SYT1: variants seen among roughly 807,000 people sequenced by gnomAD.
SYT1 encodes synaptotagmin 1.
SYT1 carries 8 observed loss-of-function variants against 44.8 expected under a neutral mutation model. That is an observed-to-expected ratio of 0.18 (90% CI 0.10 to 0.32). The LOEUF (loss-of-function observed/expected upper bound fraction) is 0.32. SYT1 is among the 10% of genes least tolerant of loss of function. The probability of loss-of-function intolerance (pLI) is 1.00; values close to 1 mark genes in which losing one functional copy is unlikely to be tolerated. For missense variants in SYT1, 286 were observed against 509.3 expected (o/e 0.56, Z 4.22); for synonymous variants, 154 against 188.8 (o/e 0.82, Z 1.51).
At chr12:79,105,997 T>C (rs1004022907) in intron 3 of SYT1, among the ~76,000 whole-genome samples, 1 of 151,934 alleles carries the variant, frequency 6.6e-6, no homozygotes, top group Admixed American at 6.6e-5. Context: ...ACTAAATGAA[T>C]GAGTACAATC....
chr12:79,337,885 C>T (rs1882162737), intron 8 of SYT1, among the ~76,000 whole-genome samples: 3 of 152,170 alleles, frequency 2.0e-5, no homozygotes, highest in Admixed American at 1.3e-4. Flanking sequence ...TACTGGTTCC[C>T]ATAATCCAAA....
intron 3 of SYT1, among the ~76,000 whole-genome samples, chr12:79,134,192 A>C (rs1302857417): frequency 1.1e-4 from 17 of 152,350 alleles, no homozygotes; most frequent in Non-Finnish European, 1.5e-5. Context: ...CTGGATAATT[A>C]CATATTCATT....
At chr12:79,090,555 T>A (rs551683170) in intron 3 of SYT1, among the ~76,000 whole-genome samples, 15 of 151,974 alleles carry the variant, frequency 9.9e-5, no homozygotes, top group Non-Finnish European at 1.5e-4. Flanking sequence ...ATTTTCTAGA[T>A]AATAAGTTGG....
rs866486617 is a variant in SYT1, at chr12:79,008,979, T to G, written c.-84+31048T>G. Among the ~76,000 whole-genome samples, 19 of 152,274 alleles carry G rather than the reference T, an allele frequency of 1.2e-4. 1 individual carries two copies. Among genetic ancestry groups the G allele is most frequent in the African/African-American group, 4.3e-4 (18 of 41,564 alleles). On this transcript the variant is annotated intron_variant, in intron 2 of 10. Coordinates refer to ENST00000261205, the MANE Select transcript of SYT1 (RefSeq NM_005639.3). ...ACATTTTGGTAAAATTTATAGAAAC[T>G]TTAGCTTTGCTCTAACCATGTTTAT...
intron 8 of SYT1, among the ~76,000 whole-genome samples, chr12:79,342,477 C>T (rs1882422665): frequency 6.6e-6 from 1 of 152,182 alleles, no homozygotes; most frequent in Non-Finnish European, 1.5e-5. Flanking sequence ...GCTATTCGCC[C>T]TCCTTGGCCT....
At chr12:79,376,127 A>T in intron 9 of SYT1, among the ~76,000 whole-genome samples, 1 of 152,162 alleles carries the variant, frequency 6.6e-6, no homozygotes, top group East Asian at 1.9e-4. Flanking sequence ...AAACTTTCTT[A>T]ATCTAAATGT....
intron 8 of SYT1, among the ~76,000 whole-genome samples, chr12:79,317,117 GA>G (rs1401110808): frequency 6.6e-6 from 1 of 152,110 alleles, no homozygotes; most frequent in Non-Finnish European, 1.5e-5. Flanking sequence ...TTTATGGGGG[GA>G]AAACAATCCA....
intron 9 of SYT1, among the ~76,000 whole-genome samples, chr12:79,356,159 A>G (rs1324340106): frequency 6.7e-6 from 1 of 149,162 alleles, no homozygotes; most frequent in Non-Finnish European, 1.5e-5. Context: ...GAGAACAGCC[A>G]TGGGGTGTCT....
At chr12:79,426,731 AT>A (rs771942277) in intron 9 of SYT1, among the ~76,000 whole-genome samples, 30 of 152,232 alleles carry the variant, frequency 2.0e-4, no homozygotes, top group African/African-American at 6.3e-4. Flanking sequence ...TTCTAATAAC[AT>A]TTTTTAAAAG....
chr12:79,436,753 G>T (rs1275994133), intron 9 of SYT1, among the ~76,000 whole-genome samples: 1 of 152,192 alleles, frequency 6.6e-6, no homozygotes, highest in Non-Finnish European at 1.5e-5. Context: ...GATGGTGGAA[G>T]CTCTGATTTT....
chr12:79,364,246 T>C (rs996456381), intron 9 of SYT1, among the ~76,000 whole-genome samples: 7 of 148,422 alleles, frequency 4.7e-5, no homozygotes, highest in African/African-American at 1.7e-4. Flanking sequence ...CCCCCTTTAA[T>C]GGTTAAACGA....
chr12:78,971,413 C>T (rs1179479391), intron 1 of SYT1, among the ~76,000 whole-genome samples: 2 of 152,054 alleles, frequency 1.3e-5, no homozygotes, highest in African/African-American at 2.4e-5. Context: ...TGTTAAAATT[C>T]ACAGCATAGT....
At chr12:78,991,386 G>A (rs1042345929) in intron 2 of SYT1, among the ~76,000 whole-genome samples, 12 of 151,772 alleles carry the variant, frequency 7.9e-5, no homozygotes, top group Non-Finnish European at 1.8e-4. Context: ...TTTTTTCTTA[G>A]AAAATTTGTA....
chr12:79,178,436 C>T (rs759307742), intron 3 of SYT1, among the ~76,000 whole-genome samples: 5 of 152,062 alleles, frequency 3.3e-5, no homozygotes, highest in Non-Finnish European at 7.4e-5. Context: ...TGACATGTCT[C>T]CAACAGATTT....
intron 9 of SYT1, among the ~76,000 whole-genome samples, chr12:79,411,957 C>T (rs544761806): frequency 5.9e-5 from 9 of 152,170 alleles, no homozygotes; most frequent in African/African-American, 2.2e-4. Flanking sequence ...ATTTAACCAA[C>T]GTCCTATTGT....
intron 3 of SYT1, among the ~76,000 whole-genome samples, chr12:79,049,532 T>C (rs1395539369): frequency 2.0e-5 from 3 of 152,000 alleles, no homozygotes; most frequent in Admixed American, 6.6e-5. Flanking sequence ...TATCAGATAT[T>C]GTGAAGAGGA....
intron 1 of SYT1, among the ~76,000 whole-genome samples, chr12:78,967,290 T>A (rs1177360244): frequency 6.6e-6 from 1 of 152,152 alleles, no homozygotes; most frequent in East Asian, 1.9e-4. Context: ...TTAATAGCAA[T>A]ATAAACTGCT....
chr12:79,402,897 G>C (rs1460625393), intron 9 of SYT1, among the ~76,000 whole-genome samples: 1 of 152,138 alleles, frequency 6.6e-6, no homozygotes. Context: ...TTACATACTG[G>C]AGAGATACAG....
At chr12:79,380,959 C>T (rs1884194914) in intron 9 of SYT1, among the ~76,000 whole-genome samples, 1 of 152,170 alleles carries the variant, frequency 6.6e-6, no homozygotes, top group Non-Finnish European at 1.5e-5. Flanking sequence ...AGAGAATTAG[C>T]ACCAATATGT....
Sources: gnomAD v4.1 joint callset for allele counts (sites outside exome capture counted in the v4.1 genomes callset) on GRCh38, gnomAD v4.1.1 for gene constraint, MANE v1.5 for transcripts, NCBI Gene and HGNC (gene_info 2026-07-23, HGNC 2026-07-21) for gene names.